Variants in PTPN9 observed in about 807,000 individuals in gnomAD.
PTPN9 encodes protein tyrosine phosphatase non-receptor type 9.
PTPN9 carries 26 observed loss-of-function variants against 69.8 expected under a neutral mutation model. The ratio of observed to expected loss-of-function variants is 0.37; its 90% CI spans 0.27 to 0.52. The LOEUF (loss-of-function observed/expected upper bound fraction) is 0.52, where lower values mean the gene tolerates loss of function less well. Ranked by LOEUF, PTPN9 falls within the 20% of genes least tolerant of loss-of-function variation. The pLI is 0.91. For missense variants in PTPN9, 549 were observed against 740.3 expected, an observed-to-expected ratio of 0.74 and a Z score of 3.00; for synonymous variants, 274 against 272.5, an observed-to-expected ratio of 1.01 and a Z score of -0.05.
At chr15:75,518,214 C>CTA (rs2074881637) in intron 4 of PTPN9, among the ~76,000 whole-genome samples, 1 of 151,560 alleles carries the variant, frequency 6.6e-6, no homozygotes, top group Admixed American at 6.6e-5. Context: ...ATGTAGTGAC[C>CTA]TATAGTCTCA....
At chr15:75,544,434 G>A (rs899189953) in intron 1 of PTPN9, among the ~76,000 whole-genome samples, 5 of 152,294 alleles carry the variant, frequency 3.3e-5, no homozygotes, top group African/African-American at 1.2e-4. Flanking sequence ...GGAGGCTGAA[G>A]GGGGAGGATC....
chr15:75,574,333 G>C (rs1484666730), intron 1 of PTPN9, among the ~76,000 whole-genome samples: 2 of 151,128 alleles, frequency 1.3e-5, no homozygotes, highest in Non-Finnish European at 2.9e-5. Flanking sequence ...AGAGTTTTAT[G>C]AATGCTTCTT....
intron 1 of PTPN9, among the ~76,000 whole-genome samples, chr15:75,535,788 A>G (rs1268392733): frequency 1.3e-5 from 2 of 152,100 alleles, no homozygotes; most frequent in African/African-American, 4.8e-5. Flanking sequence ...TGATCTCTTC[A>G]GCCCATATTA....
At chr15:75,562,482 A>T (rs1422627753) in intron 1 of PTPN9, among the ~76,000 whole-genome samples, 2 of 152,144 alleles carry the variant, frequency 1.3e-5, no homozygotes, top group Non-Finnish European at 2.9e-5. Flanking sequence ...TAACCAGAAG[A>T]GTGAGTCTCA....
In PTPN9 at chr15:75,505,786, A is replaced by G; in HGVS notation, c.857T>C (p.Met286Thr). 1 of 1,614,110 alleles carries G rather than the reference A, an allele frequency of 6.2e-7. No homozygotes were observed. The highest frequency in any genetic ancestry group is 8.5e-7 in the Non-Finnish European group (1 of 1,179,954). The stretch of plus-strand genomic sequence containing the variant: ...ATAGTCCACCAACTCTTGGATGGTC[A>G]TAGCATGGGGACCTGGAACATGTAC... ...DSVHVPGPHA[M>T]TIQELVDYVN... Residue 286 changes from methionine to threonine, a missense_variant, in exon 7 of 13, where the codon ATG (methionine) becomes ACG (threonine). Met to Thr is a moderately conservative substitution (Grantham distance 81). Transcript: ENST00000618819.
intron 1 of PTPN9, among the ~76,000 whole-genome samples, chr15:75,528,646 T>A (rs1054590941): frequency 6.6e-6 from 1 of 150,836 alleles, no homozygotes; most frequent in Non-Finnish European, 1.5e-5. Flanking sequence ...CCTCTCATGA[T>A]CCCTCTCAAA....
In PTPN9 at chr15:75,464,533, T is replaced by C. The variant is rs2074529287; in HGVS notation, c.*4236A>G. On this transcript the variant is annotated 3_prime_UTR_variant, in exon 13 of 13. Coordinates refer to ENST00000618819, the MANE Select transcript of PTPN9 (RefSeq NM_002833.4). ...TGGACCCTGACAGTCAGAGGACCCA[T>C]GGTAGGATCATCTAGTGTAGCCCCT... 1 of 152,082 alleles carries C rather than the reference T, an allele frequency of 6.6e-6. No individual in the cohort carries two copies. The highest frequency in any genetic ancestry group is 2.4e-5 in the African/African-American group (1 of 41,398). The allele number at this position is 152,082 out of a possible 1,614,324, so 9.4% of individuals were successfully genotyped here. A position where few individuals can be genotyped will look rare whatever the true frequency, so the allele number is the denominator to read the frequency against.
intron 7 of PTPN9, among the ~76,000 whole-genome samples, chr15:75,501,358 C>T (rs1289100077): frequency 1.3e-5 from 2 of 151,652 alleles, no homozygotes; most frequent in African/African-American, 2.4e-5. Context: ...ACTTGTGTCA[C>T]TCACAGAGGG....
At position 75,480,361 on chromosome 15, in the gene PTPN9, T is replaced by G. The variant is rs181489504; in HGVS notation, c.1063-447A>C. Reference sequence around the variant, plus strand: ...GGCTCACGCCTGTAATCCCAGCACTTTGGGAGGCCGAGGAGGGTGGATCAC... The same window carrying G: ...GGCTCACGCCTGTAATCCCAGCACTGTGGGAGGCCGAGGAGGGTGGATCAC... On this transcript the variant is annotated intron_variant, in intron 8 of 12. Coordinates refer to ENST00000618819, the MANE Select transcript of PTPN9 (RefSeq NM_002833.4). 3.1e-3 allele frequency among the ~76,000 whole-genome samples: 478 copies of G among 152,132 alleles called. 3 individuals are homozygous for G. The highest frequency in any genetic ancestry group is 0.011 in the African/African-American group (451 of 41,528).
At chr15:75,553,203 G>C (rs1442030425) in intron 1 of PTPN9, among the ~76,000 whole-genome samples, 1 of 152,112 alleles carries the variant, frequency 6.6e-6, no homozygotes, top group African/African-American at 2.4e-5. Flanking sequence ...AAGGATATGT[G>C]CAAGTAAATC....
intron 3 of PTPN9, 59 bp downstream of exon 3, chr15:75,524,149 AG>A: frequency 1.1e-6 from 1 of 875,142 alleles, no homozygotes; most frequent in Non-Finnish European, 1.7e-6. Flanking sequence ...AAGTCCAAAC[AG>A]GACACCAGTT....
At chr15:75,472,893 A>G (rs940582486) in intron 10 of PTPN9, among the ~76,000 whole-genome samples, 1 of 151,630 alleles carries the variant, frequency 6.6e-6, no homozygotes, top group Admixed American at 6.6e-5. Context: ...AGTTACAGTG[A>G]GCCAAGATCG....
intron 1 of PTPN9, among the ~76,000 whole-genome samples, chr15:75,562,560 G>A (rs1427433479): frequency 1.3e-5 from 2 of 152,194 alleles, no homozygotes; most frequent in Non-Finnish European, 2.9e-5. Context: ...GGCCGGGCGC[G>A]GTGGCTCACG....
Position 75,468,719 on chromosome 15 carries a change from C to A in PTPN9, c.*50G>T. On this transcript the variant is annotated 3_prime_UTR_variant, in exon 13 of 13. Coordinates refer to ENST00000618819, the MANE Select transcript of PTPN9 (RefSeq NM_002833.4). ...GGCAACCTATAGGCTCAGCGGTGTC[C>A]AGGGTAGTTTAAGGAAGGCTGGCCA... 6.5e-7 allele frequency: 1 copy of A among 1,547,666 alleles called. No individual in the cohort carries two copies. Among genetic ancestry groups the A allele is most frequent in the South Asian group, 1.2e-5 (1 of 86,618 alleles).
intron 10 of PTPN9, among the ~76,000 whole-genome samples, chr15:75,473,341 C>G (rs967478474): frequency 6.6e-6 from 1 of 152,122 alleles, no homozygotes. Context: ...CCTCTGCCTC[C>G]TGGGTTCAAG....
At chr15:75,482,318 C>A (rs1382285329) in intron 8 of PTPN9, among the ~76,000 whole-genome samples, 2 of 152,218 alleles carry the variant, frequency 1.3e-5, no homozygotes, top group African/African-American at 4.8e-5. Context: ...GTAATCCCAG[C>A]ACTTTGGGAG....
intron 7 of PTPN9, among the ~76,000 whole-genome samples, chr15:75,504,465 G>C (rs1237731442): frequency 4.5e-5 from 6 of 134,822 alleles, no homozygotes; most frequent in African/African-American, 1.4e-4. Flanking sequence ...CAGCCGCCCG[G>C]TCCGGGAGGG....
At chr15:75,480,442 A>C (rs1192250723) in intron 8 of PTPN9, among the ~76,000 whole-genome samples, 1 of 152,056 alleles carries the variant, frequency 6.6e-6, no homozygotes, top group Non-Finnish European at 1.5e-5. Context: ...GTCTCTACTA[A>C]AAATACAAAA....
At chr15:75,574,661 C>T (rs2075163198) in intron 1 of PTPN9, among the ~76,000 whole-genome samples, 1 of 151,958 alleles carries the variant, frequency 6.6e-6, no homozygotes, top group Admixed American at 6.6e-5. Flanking sequence ...TTTTAAGGAG[C>T]CAGGCGCGGT....
Sources: allele counts gnomAD v4.1 joint callset (sites outside exome capture counted in the v4.1 genomes callset), GRCh38; gene constraint gnomAD v4.1.1; transcripts MANE v1.5; gene names NCBI Gene and HGNC (gene_info 2026-07-23, HGNC 2026-07-21).